Variants in ZNF346 observed in about 807,000 individuals in gnomAD.
ZNF346 encodes zinc finger protein 346.
ZNF346 carries 23 observed loss-of-function variants against 33.7 expected under a neutral mutation model. That is an observed-to-expected ratio of 0.68 (90% confidence interval 0.49 to 0.97). The LOEUF is 0.97. Ranked by LOEUF, ZNF346 falls within the 50% of genes least tolerant of loss-of-function variation. The pLI, the probability that ZNF346 is intolerant of heterozygous loss-of-function variation, is 0.00. For missense variants in ZNF346, 340 were observed against 371.1 expected (o/e 0.92, Z 0.69); for synonymous variants, 134 against 142.4 (o/e 0.94, Z 0.42).
intron 5 of ZNF346, among the ~76,000 whole-genome samples, chr5:177,058,722 C>G (rs1256183704): frequency 1.3e-5 from 2 of 152,140 alleles, no homozygotes; most frequent in Non-Finnish European, 2.9e-5. Context: ...CCAAACCTTA[C>G]ACTCCTTCCA....
At position 177,067,029 on chromosome 5, in the gene ZNF346, C is replaced by G. The variant is rs1470345213; in HGVS notation, c.*2430C>G. ...ATTGAGCCAAGATCGTGCCACTGCA[C>G]TCCAGCCTAGGTGACAGAGTGAGAC... On this transcript the variant is annotated 3_prime_UTR_variant, in exon 7 of 7. Coordinates refer to ENST00000358149, the MANE Select transcript of ZNF346 (RefSeq NM_012279.4). 6.6e-6 allele frequency among the ~76,000 whole-genome samples: 1 copy of G among 152,172 alleles called. No individual in the cohort carries two copies.
intron 1 of ZNF346, among the ~76,000 whole-genome samples, chr5:177,039,455 CT>C (rs530601888): frequency 0.11 from 16,066 of 145,016 alleles, 1,534 homozygotes; most frequent in African/African-American, 0.26. Context: ...AGGGCATCGA[CT>C]TTTTTTTTTT....
At position 177,065,984 on chromosome 5, in the gene ZNF346, C is replaced by G. The variant is rs1783131031; in HGVS notation, c.*1385C>G. ...CCTCATGGGCCAGACTACAACTTAA[C>G]AGACCTAGGGTTTTGAGCCATATTG... On this transcript the variant is annotated 3_prime_UTR_variant, in exon 7 of 7. Transcript: ENST00000358149. 6.8e-6 allele frequency: 1 copy of G among 147,318 alleles called. No individual in the cohort carries two copies. The highest frequency in any genetic ancestry group is 1.5e-5 in the Non-Finnish European group (1 of 67,210). The allele number at this position is 147,318 out of a possible 1,614,324, so 9.1% of individuals were successfully genotyped here.
At chr5:177,035,055 C>T (rs1778283804) in intron 1 of ZNF346, among the ~76,000 whole-genome samples, 1 of 149,750 alleles carries the variant, frequency 6.7e-6, no homozygotes, top group African/African-American at 2.5e-5. Context: ...CTTACTCTGT[C>T]GCCCAGGCTC....
chr5:177,041,926 T>C (rs1024804174), intron 3 of ZNF346, 56 bp downstream of exon 3: 5 of 1,229,368 alleles, frequency 4.1e-6, no homozygotes, highest in Middle Eastern at 1.9e-4. Flanking sequence ...AGCCAGCAGG[T>C]TGGTGTGGTG....
intron 5 of ZNF346, among the ~76,000 whole-genome samples, chr5:177,056,098 AGCCGGGCATGGTG>A (rs1470132564): frequency 7.7e-6 from 1 of 130,126 alleles, no homozygotes; most frequent in Non-Finnish European, 1.7e-5. Flanking sequence ...AAAAAAAGTT[AGCCGGGCATGGTG>A]GCATGCGCTT....
At chr5:177,025,788 T>C (rs777315584) in intron 1 of ZNF346, among the ~76,000 whole-genome samples, 3 of 152,182 alleles carry the variant, frequency 2.0e-5, no homozygotes, top group African/African-American at 4.8e-5. Flanking sequence ...ATTATAGATA[T>C]GATTTCCAGG....
At chr5:177,038,268 TGTGTGTGTGTG>T (rs1561982735) in intron 1 of ZNF346, among the ~76,000 whole-genome samples, 12 of 140,016 alleles carry the variant, frequency 8.6e-5, no homozygotes, top group East Asian at 2.1e-4. Context: ...TTTTTTTTTT[TGTGTGTGTGTG>T]TTTTTTAATT....
chr5:177,036,157 C>A (rs1346880361), intron 1 of ZNF346, among the ~76,000 whole-genome samples: 1 of 151,980 alleles, frequency 6.6e-6, no homozygotes, highest in African/African-American at 2.4e-5. Flanking sequence ...GAAACAACAG[C>A]GGGGTGGAGC....
rs1364998329 is a variant in ZNF346 at position 177,022,745 on chromosome 5, T to A, written c.7T>A (p.Tyr3Asn). The part of the protein sequence containing the change: ME[Y>N]PAPATVQAAD... ...GTGAGGGTTTGCGGGGAAGATGGAG[T>A]ATCCCGCGCCGGCCACGGTGCAGGC... The change falls in exon 1 of 7, where the codon TAT becomes AAT. Residue 3 changes from tyrosine (Y) to asparagine (N), a missense_variant. By Grantham distance (143) the Tyr-to-Asn change is moderately radical. Coordinates refer to ENST00000358149, the MANE Select transcript of ZNF346 (RefSeq NM_012279.4). 1 of 1,552,250 alleles carries A rather than the reference T, an allele frequency of 6.4e-7. No homozygotes were observed. Among genetic ancestry groups the A allele is most frequent in the Admixed American group, 1.9e-5 (1 of 51,686 alleles).
intron 1 of ZNF346, among the ~76,000 whole-genome samples, chr5:177,027,188 G>C (rs1776913341): frequency 1.3e-5 from 2 of 151,664 alleles, no homozygotes; most frequent in South Asian, 4.2e-4. Context: ...AGGTAGCTGG[G>C]ATTACAGGCG....
At chr5:177,028,495 T>TC (rs1342787452) in intron 1 of ZNF346, among the ~76,000 whole-genome samples, 2 of 82,066 alleles carry the variant, frequency 2.4e-5, no homozygotes, top group South Asian at 4.3e-4. Flanking sequence ...CTTGTGACGT[T>TC]TTATATATAT....
chr5:177,075,383 G>A (rs966253070), intron 8 of ZNF346, among the ~76,000 whole-genome samples: 7 of 152,124 alleles, frequency 4.6e-5, no homozygotes, highest in Non-Finnish European at 7.4e-5. Flanking sequence ...CGGCCTGGGC[G>A]ACAGAGCCAG....
At chr5:177,075,907 G>A (rs183986041) in intron 8 of ZNF346, among the ~76,000 whole-genome samples, 62 of 152,096 alleles carry the variant, frequency 4.1e-4, no homozygotes, top group African/African-American at 1.4e-3. Context: ...GGCTGATCTC[G>A]AACTCCCAAC....
intron 1 of ZNF346, among the ~76,000 whole-genome samples, chr5:177,040,413 C>T (rs1299513600): frequency 6.6e-6 from 1 of 152,138 alleles, no homozygotes; most frequent in African/African-American, 2.4e-5. Context: ...GGCACAACCT[C>T]AGCTCACTAC....
At chr5:177,050,602 G>T in intron 4 of ZNF346, 149 bp from the exon 5 acceptor site, 1 of 755,908 alleles carries the variant, frequency 1.3e-6, no homozygotes, top group African/African-American at 1.7e-5. Context: ...CACATCTGCA[G>T]TAGGATTAAC....
intron 8 of ZNF346, among the ~76,000 whole-genome samples, chr5:177,079,074 C>T (rs899866624): frequency 1.3e-5 from 2 of 152,030 alleles, no homozygotes; most frequent in African/African-American, 4.8e-5. Flanking sequence ...AGTTTGAGAC[C>T]AGCCTGGCCA....
intron 4 of ZNF346, among the ~76,000 whole-genome samples, chr5:177,047,652 C>G (rs760211865): frequency 3.3e-5 from 5 of 152,084 alleles, no homozygotes; most frequent in Non-Finnish European, 7.4e-5. Context: ...ACTACCGGCA[C>G]CTGCCACCAC....
chr5:177,050,760 A>G lies in ZNF346; in HGVS notation c.527A>G (p.Gln176Arg). 1 of 1,614,204 alleles carries G rather than the reference A, an allele frequency of 6.2e-7. No individual in the cohort carries two copies. The highest frequency in any genetic ancestry group is 8.5e-7 in the Non-Finnish European group (1 of 1,180,030). Reference sequence around the variant, plus strand: ...GTGGCCTCCACCTTAGCCTTGCACCAGAATAGAGAGATGATAGACCCAGAC... The same window carrying G: ...GTGGCCTCCACCTTAGCCTTGCACCGGAATAGAGAGATGATAGACCCAGAC... ...QQSTKVEALHQNREMIDPDKF... is the reference protein window; with the variant it reads ...QQSTKVEALHRNREMIDPDKF... The change falls in exon 5 of 7, where the codon CAG (glutamine) becomes CGG (arginine). Residue 176 changes from glutamine (Q) to arginine (R), a missense_variant. By Grantham distance (43) the Gln-to-Arg change is conservative (BLOSUM62 1). Coordinates refer to ENST00000358149, the MANE Select transcript of ZNF346 (RefSeq NM_012279.4).
Sources: gnomAD v4.1 joint callset for allele counts (sites outside exome capture counted in the v4.1 genomes callset) on GRCh38, gnomAD v4.1.1 for gene constraint, MANE v1.5 for transcripts, NCBI Gene and HGNC (gene_info 2026-07-23, HGNC 2026-07-21) for gene names.